The following LVRN variants were observed in gnomAD, a reference collection of about 807,000 sequenced individuals.
The protein encoded by LVRN is aminopeptidase Q.
In LVRN, 99 loss-of-function variants were observed where a neutral mutation model predicts 111.4. The ratio of observed to expected loss-of-function variants is 0.89; its 90% CI spans 0.76 to 1.05. The LOEUF (loss-of-function observed/expected upper bound fraction) is 1.05, where lower values mean the gene tolerates loss of function less well. LVRN is among the 50% of genes least tolerant of loss of function. LVRN has a pLI of 0.00. For missense variants in LVRN, 1,414 were observed against 1,206.8 expected, an observed-to-expected ratio of 1.17 and a Z score of -2.54; for synonymous variants, 488 against 449.5, an observed-to-expected ratio of 1.09 and a Z score of -1.08.
chr5:115,996,057 G>C (rs375414990), intron 6 of LVRN, among the ~76,000 whole-genome samples: 2 of 152,142 alleles, frequency 1.3e-5, no homozygotes, highest in Non-Finnish European at 2.9e-5. Context: ...AAAATTGTTT[G>C]TATCTCTCTT....
At chr5:116,003,995 A>G (rs1481590171) in intron 12 of LVRN, among the ~76,000 whole-genome samples, 4 of 152,224 alleles carry the variant, frequency 2.6e-5, no homozygotes, top group Non-Finnish European at 5.9e-5. Flanking sequence ...CAAGTTACTT[A>G]AATGTCCTGG....
intron 6 of LVRN, among the ~76,000 whole-genome samples, chr5:115,996,965 T>G (rs527722768): frequency 4.9e-4 from 75 of 152,326 alleles, no homozygotes; most frequent in Middle Eastern, 3.4e-3. Flanking sequence ...CAACTACCAC[T>G]AACTAGGCAC....
chr5:115,999,738 G>A (rs746995116), intron 6 of LVRN, 24 bp from the exon 7 acceptor site: 16 of 1,610,878 alleles, frequency 9.9e-6, no homozygotes, highest in South Asian at 3.3e-5. Flanking sequence ...AGGAGTTAAT[G>A]TGCCTCCATC....
chr5:116,000,590 C>T lies in LVRN; in HGVS notation c.1582-3C>T. ...TTTAACCTTAACTTTTCTATTTTTA[C>T]AGTCATATTTGAAGACATTTTCCTA... On this transcript the variant is annotated splice_polypyrimidine_tract_variant and splice_region_variant and intron_variant, in intron 8 of 19. Transcript: ENST00000357872. 6.2e-7 allele frequency: 1 copy of T among 1,613,776 alleles called. No individual in the cohort carries two copies. Among genetic ancestry groups the T allele is most frequent in the Non-Finnish European group, 8.5e-7 (1 of 1,179,742 alleles).
At chr5:116,001,691 A>T (rs183589391) in intron 10 of LVRN, among the ~76,000 whole-genome samples, 7 of 152,288 alleles carry the variant, frequency 4.6e-5, no homozygotes, top group African/African-American at 1.7e-4. Flanking sequence ...GTGTGCACGG[A>T]TGTGTGTGGA....
intron 1 of LVRN, among the ~76,000 whole-genome samples, chr5:115,966,869 T>G (rs1356199738): frequency 6.6e-6 from 1 of 152,216 alleles, no homozygotes; most frequent in Non-Finnish European, 1.5e-5. Flanking sequence ...CTCATTGTGG[T>G]TTTAATTTGC....
Position 116,003,494 on chromosome 5 carries a change from C to T in LVRN, c.2037+114C>T, listed in dbSNP as rs1748284479. The T allele has an allele frequency of 2.0e-5, 12 of 613,954 alleles. No individual in the cohort carries two copies. In the South Asian group the frequency reaches 5.7e-4, roughly 29 times the overall value. The allele number at this position is 613,954 out of a possible 1,614,324, so 38.0% of individuals were successfully genotyped here. On this transcript the variant is annotated intron_variant, in intron 12 of 19. Transcript: ENST00000357872. The stretch of plus-strand genomic sequence containing the variant: ...TTCCACCTTCATTCCCGCCCCTCAC[C>T]TCCAGGCATGCAAAAGATTTTTTTT...
intron 13 of LVRN, among the ~76,000 whole-genome samples, chr5:116,008,571 TAA>T (rs1748425362): frequency 6.7e-6 from 1 of 150,346 alleles, no homozygotes; most frequent in Admixed American, 6.7e-5. Flanking sequence ...TGAAGGAAAT[TAA>T]AAAGTACTGC....
intron 13 of LVRN, among the ~76,000 whole-genome samples, chr5:116,009,525 G>T (rs1018796543): frequency 4.6e-5 from 7 of 152,132 alleles, no homozygotes; most frequent in African/African-American, 1.7e-4. Context: ...TCTTCTGGTA[G>T]GGATTCATCA....
chr5:116,002,998 G>T (rs982746750), intron 11 of LVRN, 87 bp downstream of exon 11: 96 of 1,171,034 alleles, frequency 8.2e-5, no homozygotes, highest in Middle Eastern at 2.8e-4. Context: ...CTTTTGAAAA[G>T]CCATTTCATT....
intron 18 of LVRN, chr5:116,021,050 A>G (rs1419347629): frequency 6.6e-6 from 1 of 152,246 alleles, no homozygotes; most frequent in African/African-American, 2.4e-5. Context: ...TGTTTCAAAA[A>G]TAACCCCTGT....
chr5:115,995,354 T>G (rs1476999610), intron 6 of LVRN: 1 of 152,224 alleles, frequency 6.6e-6, no homozygotes, highest in Non-Finnish European at 1.5e-5. Context: ...CAAGCACTGA[T>G]GTAGTGCACG....
At position 116,015,433 on chromosome 5, in the gene LVRN, A is replaced by G; in HGVS notation, c.2618+14A>G. The G allele has an allele frequency of 6.4e-7, 1 of 1,555,092 alleles. No homozygotes were observed. The highest frequency in any genetic ancestry group is 8.6e-7 in the Non-Finnish European group (1 of 1,156,576). ...GATACTTAACAGGTGATTATGGTCA[A>G]CTTACCTTGAAAGTTTCTGTTATAG... On this transcript the variant is annotated intron_variant, in intron 17 of 19. Transcript: ENST00000357872.
In LVRN at chr5:115,962,633, A is replaced by G. The variant is rs2112540610; in HGVS notation, c.16A>G (p.Ser6Gly). Reference sequence around the variant, plus strand: ...GGTCCCTGCCATGGGGCCCCCTTCCAGCTCAGGCTTCTATGTGAGCCGCGC... The same window carrying G: ...GGTCCCTGCCATGGGGCCCCCTTCCGGCTCAGGCTTCTATGTGAGCCGCGC... The part of the protein sequence containing the change: MGPPS[S>G]SGFYVSRAVA... Residue 6 changes from serine to glycine, a missense_variant, in exon 1 of 20, where the codon AGC (serine) becomes GGC (glycine). Transcript: ENST00000357872. 1.3e-6 allele frequency: 2 copies of G among 1,597,978 alleles called. No individual in the cohort carries two copies. Among genetic ancestry groups the G allele is most frequent in the South Asian group, 2.2e-5 (2 of 90,450 alleles).
chr5:116,015,586 T>A (rs750228311), intron 17 of LVRN, 42 bp from the exon 18 acceptor site: 5 of 1,576,842 alleles, frequency 3.2e-6, no homozygotes, highest in Admixed American at 1.8e-5. Context: ...ACTCTTTATG[T>A]TGGATGTTTA....
intron 6 of LVRN, among the ~76,000 whole-genome samples, chr5:115,996,272 G>T (rs1323184978): frequency 6.6e-6 from 1 of 152,114 alleles, no homozygotes; most frequent in Non-Finnish European, 1.5e-5. Flanking sequence ...AACTAAAATG[G>T]TTATTATCAA....
chr5:115,996,126 G>C (rs368027713), intron 6 of LVRN, among the ~76,000 whole-genome samples: 4 of 151,976 alleles, frequency 2.6e-5, no homozygotes, highest in African/African-American at 7.3e-5. Context: ...AAAGCAGTTG[G>C]GTATGTCCTA....
At position 116,026,650 on chromosome 5, in the gene LVRN, G is replaced by A. The variant is rs1748873508; in HGVS notation, c.*532G>A. On this transcript the variant is annotated 3_prime_UTR_variant, in exon 20 of 20. Coordinates refer to ENST00000357872, the MANE Select transcript of LVRN (RefSeq NM_173800.5). ...AGAAAAGCAAGTTGAAAAAGAAAGA[G>A]GAGACAATTTAACGAGCCCTAAAGG... The A allele has an allele frequency of 6.2e-6, 1 of 162,226 alleles. No homozygotes were observed. The highest frequency in any genetic ancestry group is 2.4e-5 in the African/African-American group (1 of 41,494). 10.0% of individuals were successfully genotyped at this position (162,226 alleles called of 1,614,324 possible). A position where few individuals can be genotyped will look rare whatever the true frequency, so the allele number is the denominator to read the frequency against.
chr5:116,001,237 C>A lies in LVRN; in HGVS notation c.1818C>A (p.Ser606Arg), dbSNP rs779718799. Residue 606 changes from serine to arginine, a missense_variant and splice_region_variant, in exon 10 of 20, where the codon AGC becomes AGA. Transcript: ENST00000357872. ...TTAAAAATCGGACTCTTCTAACCAG[C>A]AAGTAGGTAGCTTTGCTCCTCTTTG... is the stretch of plus-strand genomic sequence containing the variant. ...ENIKNRTLLTSNDTWIVPILW... is the reference protein window; with the variant it reads ...ENIKNRTLLTRNDTWIVPILW... 5.0e-6 allele frequency: 8 copies of A among 1,612,608 alleles called. No homozygotes were observed. Among genetic ancestry groups the A allele is most frequent in the Non-Finnish European group, 6.8e-6 (8 of 1,179,608 alleles).
Sources: allele counts gnomAD v4.1 joint callset (sites outside exome capture counted in the v4.1 genomes callset), GRCh38; gene constraint gnomAD v4.1.1; transcripts MANE v1.5; gene names NCBI Gene and HGNC (gene_info 2026-07-23, HGNC 2026-07-21).